The following TRAPPC8 variants were observed in gnomAD, a reference collection of about 807,000 sequenced individuals.
The protein encoded by TRAPPC8 is general sporulation gene 1 homolog.
TRAPPC8 carries 54 observed loss-of-function variants against 174.3 expected under a neutral mutation model. That is an observed-to-expected ratio of 0.31 (90% CI 0.25 to 0.39). The LOEUF (loss-of-function observed/expected upper bound fraction) is 0.39, where lower values mean the gene tolerates loss of function less well. Ranked by LOEUF, TRAPPC8 falls within the 10% of genes least tolerant of loss-of-function variation. TRAPPC8 has a pLI of 1.00. For missense variants in TRAPPC8, 1,531 were observed against 1,699.1 expected, an observed-to-expected ratio of 0.90 and a Z score of 1.74; for synonymous variants, 630 against 579.9, an observed-to-expected ratio of 1.09 and a Z score of -1.24.
chr18:31,867,118 A>G (rs751687871), intron 17 of TRAPPC8, 143 bp from the exon 18 acceptor site: 1 of 895,428 alleles, frequency 1.1e-6, no homozygotes. Flanking sequence ...CATCTTCTTC[A>G]AAAGAAAATG....
chr18:31,839,814 T>C (rs752804907), intron 26 of TRAPPC8, among the ~76,000 whole-genome samples: 1 of 152,226 alleles, frequency 6.6e-6, no homozygotes, highest in Non-Finnish European at 1.5e-5. Context: ...GTTGTTGTGA[T>C]TCTCATCTGA....
chr18:31,897,523 G>C (rs529502780), intron 11 of TRAPPC8, among the ~76,000 whole-genome samples: 1 of 152,032 alleles, frequency 6.6e-6, no homozygotes, highest in Non-Finnish European at 1.5e-5. Flanking sequence ...AGGACAAAAC[G>C]TAATAAGTCA....
chr18:31,902,165 A>T (rs2036456638), intron 9 of TRAPPC8, among the ~76,000 whole-genome samples: 2 of 152,154 alleles, frequency 1.3e-5, no homozygotes, highest in African/African-American at 2.4e-5. Flanking sequence ...TAATACAAAA[A>T]TTCCTGAACA....
chr18:31,893,011 T>C (rs2036022495), intron 11 of TRAPPC8, among the ~76,000 whole-genome samples: 1 of 145,668 alleles, frequency 6.9e-6, no homozygotes, highest in Non-Finnish European at 1.5e-5. Context: ...AATGACGCCT[T>C]GTCTCAAAAA....
intron 2 of TRAPPC8, among the ~76,000 whole-genome samples, chr18:31,920,918 G>A (rs1233659327): frequency 2.9e-5 from 4 of 138,610 alleles, no homozygotes; most frequent in African/African-American, 8.1e-5. Flanking sequence ...TCCAGCCTGG[G>A]CAACGTGTTA....
chr18:31,867,369 AG>A (rs759438438), intron 17 of TRAPPC8, 32 bp downstream of exon 17: 1 of 1,415,018 alleles, frequency 7.1e-7, no homozygotes, highest in Non-Finnish European at 9.8e-7. Flanking sequence ...ACTTTCAGAA[AG>A]GCATAAAGCA....
intron 13 of TRAPPC8, chr18:31,874,042 C>A: frequency 5.3e-6 from 1 of 188,574 alleles, no homozygotes; most frequent in Admixed American, 5.6e-5. Context: ...AATTTTTCTC[C>A]ATTGCACCAT....
intron 1 of TRAPPC8, among the ~76,000 whole-genome samples, chr18:31,934,513 C>CA (rs2037994981): frequency 6.6e-6 from 1 of 152,058 alleles, no homozygotes; most frequent in East Asian, 1.9e-4. Flanking sequence ...AACAAACAAA[C>CA]AAAAAAACTA....
chr18:31,925,338 T>C (rs890360118), intron 2 of TRAPPC8, among the ~76,000 whole-genome samples: 1 of 151,464 alleles, frequency 6.6e-6, no homozygotes, highest in African/African-American at 2.4e-5. Flanking sequence ...AAAACCTTAA[T>C]AGCATGTCAC....
At chr18:31,859,380 T>C (rs758693206) in intron 19 of TRAPPC8, among the ~76,000 whole-genome samples, 20 of 152,196 alleles carry the variant, frequency 1.3e-4, no homozygotes, top group South Asian at 4.2e-4. Context: ...ATCCCGCACA[T>C]AGATTTAATA....
rs752409258 is a variant in TRAPPC8 at position 31,917,591 on chromosome 18, G to A, written c.429C>T (p.Asn143=). The change falls in exon 3 of 29, where the codon AAC becomes AAT. Residue 143 remains asparagine (N), a synonymous_variant. Coordinates refer to ENST00000283351, the MANE Select transcript of TRAPPC8 (RefSeq NM_014939.5). ...GTCAAAGGATACATGCTAAATAGTG[G>A]TTCAGAAATTCATGATCCAATGCTG... is the stretch of plus-strand genomic sequence containing the variant. ...SMPALDHEFL[N]HYLACMLVAS... 1 of 1,612,278 alleles carries A rather than the reference G, an allele frequency of 6.2e-7. No individual in the cohort carries two copies. Among genetic ancestry groups the A allele is most frequent in the Admixed American group, 1.7e-5 (1 of 59,720 alleles).
intron 19 of TRAPPC8, among the ~76,000 whole-genome samples, chr18:31,859,534 A>G (rs867000157): frequency 7.1e-6 from 1 of 140,168 alleles, no homozygotes; most frequent in African/African-American, 2.5e-5. Flanking sequence ...CTGCATTAAC[A>G]AAAAGTGAAA....
chr18:31,830,814 CTG>C lies in TRAPPC8; in HGVS notation c.4247_4248del (p.Thr1416SerfsTer3). ...GAATTCTGCTGACTTGTTTCAAACACTGTAACTTGGTCCGATAACTTGGCAAA... is the reference window on the plus strand; with the variant it reads ...GAATTCTGCTGACTTGTTTCAAACACTAACTTGGTCCGATAACTTGGCAAA... The part of the protein sequence containing the change: ...RVFAKLSDQV[T>X]VFETSQQNSM... On this transcript the variant is annotated frameshift_variant, in exon 29 of 29. Transcript: ENST00000283351. LOFTEE classifies it high-confidence loss of function. The C allele has an allele frequency of 6.2e-7, 1 of 1,614,194 alleles. No individual in the cohort carries two copies. Among genetic ancestry groups the C allele is most frequent in the Non-Finnish European group, 8.5e-7 (1 of 1,180,034 alleles).
chr18:31,885,440 T>A (rs892063636), intron 12 of TRAPPC8, among the ~76,000 whole-genome samples: 4 of 152,182 alleles, frequency 2.6e-5, no homozygotes, highest in Non-Finnish European at 5.9e-5. Context: ...AGGACATGCA[T>A]GAGATGACTG....
At chr18:31,844,972 T>C (rs576038437) in intron 26 of TRAPPC8, 36 of 151,942 alleles carry the variant, frequency 2.4e-4, no homozygotes, top group African/African-American at 8.4e-4. Context: ...GGTATTATTC[T>C]AGAAAATAGG....
At chr18:31,925,675 A>C (rs1407726900) in intron 2 of TRAPPC8, among the ~76,000 whole-genome samples, 3 of 152,194 alleles carry the variant, frequency 2.0e-5, no homozygotes, top group African/African-American at 7.2e-5. Flanking sequence ...TAAGTGAAAA[A>C]GGAGTTATAA....
chr18:31,915,473 G>GT (rs1207953054), intron 4 of TRAPPC8, among the ~76,000 whole-genome samples: 5 of 130,268 alleles, frequency 3.8e-5, no homozygotes, highest in Non-Finnish European at 5.0e-5. Flanking sequence ...AAAAAAAGGG[G>GT]GGGGGGGCGC....
chr18:31,900,466 A>G (rs1443813488), intron 10 of TRAPPC8, among the ~76,000 whole-genome samples: 2 of 152,144 alleles, frequency 1.3e-5, no homozygotes, highest in African/African-American at 4.8e-5. Flanking sequence ...CCTTTCTTTC[A>G]AGGTCTATCC....
intron 1 of TRAPPC8, among the ~76,000 whole-genome samples, chr18:31,941,878 G>A (rs2038360207): frequency 6.6e-6 from 1 of 152,134 alleles, no homozygotes; most frequent in Non-Finnish European, 1.5e-5. Context: ...ATCCAAAACT[G>A]GAGAAAACGG....
Sources: gnomAD v4.1 joint callset for allele counts (sites outside exome capture counted in the v4.1 genomes callset) on GRCh38, gnomAD v4.1.1 for gene constraint, MANE v1.5 for transcripts, NCBI Gene and HGNC (gene_info 2026-07-23, HGNC 2026-07-21) for gene names.